The following NAP1L5 variants were observed in gnomAD, a reference collection of about 807,000 sequenced individuals.
NAP1L5 encodes the protein nucleosome assembly protein 1-like 5.
For synonymous variants in NAP1L5, 125 were observed against 103.6 expected (o/e 1.21, Z -1.25); for missense variants, 249 against 246.4 (o/e 1.01, Z -0.07).
chr4:88,697,322 C>T lies in NAP1L5; in HGVS notation c.433G>A (p.Glu145Lys), dbSNP rs1253186333. ...EGEEEEEEEYEDDEEEGEDEE... is the reference protein window; with the variant it reads ...EGEEEEEEEYKDDEEEGEDEE... ...TCTTCCCCCTCCTCCTCGTCATCCT[C>T]GTACTCCTCTTCCTCCTCCTCCTCC... The change falls in exon 1 of 1, where the codon GAG becomes AAG. Residue 145 changes from glutamate (E) to lysine (K), a missense_variant. Glu to Lys is a moderately conservative substitution (Grantham distance 56, BLOSUM62 1). Coordinates refer to ENST00000323061, the MANE Select transcript of NAP1L5 (RefSeq NM_153757.4). 4 of 1,613,582 alleles carry T rather than the reference C, an allele frequency of 2.5e-6. No homozygotes were observed. Among genetic ancestry groups the T allele is most frequent in the African/African-American group, 1.3e-5 (1 of 74,818 alleles).
Position 88,697,175 on chromosome 4 carries a change from TGGG to T in NAP1L5, c.*28_*30del. 13 of 1,466,172 alleles carry T rather than the reference TGGG, an allele frequency of 8.9e-6. No homozygotes were observed. The highest frequency in any genetic ancestry group is 1.1e-5 in the Non-Finnish European group (12 of 1,108,738). 90.8% of individuals were successfully genotyped at this position (1,466,172 alleles called of 1,614,324 possible). On this transcript the variant is annotated 3_prime_UTR_variant, in exon 1 of 1. Coordinates refer to ENST00000323061, the MANE Select transcript of NAP1L5 (RefSeq NM_153757.4). Reference sequence around the variant, plus strand: ...AAACAAAACCAGGCTTTTTTCTTCGTGGGCTTTCTCTTCATCCATCTCTGCCCC... The same window carrying T: ...AAACAAAACCAGGCTTTTTTCTTCGTCTTTCTCTTCATCCATCTCTGCCCC...
chr4:88,697,158 C>G lies in NAP1L5; in HGVS notation c.*48G>C, dbSNP rs751921542. On this transcript the variant is annotated 3_prime_UTR_variant, in exon 1 of 1. Coordinates refer to ENST00000323061, the MANE Select transcript of NAP1L5 (RefSeq NM_153757.4). ...CATCGATATTCTGGGAAAAACAAAA[C>G]CAGGCTTTTTTCTTCGTGGGCTTTC... 6.9e-7 allele frequency: 1 copy of G among 1,454,748 alleles called. No individual in the cohort carries two copies. Among genetic ancestry groups the G allele is most frequent in the Admixed American group, 2.6e-5 (1 of 37,868 alleles). 90.1% of individuals were successfully genotyped at this position (1,454,748 alleles called of 1,614,324 possible).
rs745554495 is a variant in NAP1L5 at position 88,697,352 on chromosome 4, C to T, written c.403G>A (p.Glu135Lys). 1.9e-6 allele frequency: 3 copies of T among 1,614,048 alleles called. No individual in the cohort carries two copies. Among genetic ancestry groups the T allele is most frequent in the Middle Eastern group, 3.3e-4 (2 of 6,060 alleles). Residue 135 changes from glutamate (E) to lysine (K), a missense_variant, in exon 1 of 1, where the codon GAG becomes AAG. By Grantham distance (56) the Glu-to-Lys change is moderately conservative. Transcript: ENST00000323061. ...TCCTCTTCCTCCTCCTCCTCCCCCT[C>T]CAAGGTCCATGCACACCCCTCCATC... is the stretch of plus-strand genomic sequence containing the variant. ...GEMEGCAWTLEGEEEEEEEYE... is the reference protein window; with the variant it reads ...GEMEGCAWTLKGEEEEEEEYE...
Position 88,697,664 on chromosome 4 carries a change from C to T in NAP1L5, c.91G>A (p.Gly31Ser), listed in dbSNP as rs1441192875. Residue 31 changes from glycine to serine, a missense_variant, in exon 1 of 1, where the codon GGT (glycine) becomes AGT (serine). By Grantham distance (56) the Gly-to-Ser change is moderately conservative. Coordinates refer to ENST00000323061, the MANE Select transcript of NAP1L5 (RefSeq NM_153757.4). Reference sequence around the variant, plus strand: ...CTGTCACAGTCTCCACCCTGCGCACCGCCTTCCGCCATTACCTCCTCTGCC... The same window carrying T: ...CTGTCACAGTCTCCACCCTGCGCACTGCCTTCCGCCATTACCTCCTCTGCC... Reference protein sequence around the residue: ...AAAEEVMAEGGAQGGDCDSAA... With the variant: ...AAAEEVMAEGSAQGGDCDSAA... The T allele has an allele frequency of 1.2e-6, 2 of 1,613,040 alleles. No homozygotes were observed. Among genetic ancestry groups the T allele is most frequent in the African/African-American group, 1.3e-5 (1 of 74,914 alleles).
rs1331346494 is a variant in NAP1L5 at position 88,697,326 on chromosome 4, C to T, written c.429G>A (p.Glu143=). Residue 143 remains glutamate, a synonymous_variant, in exon 1 of 1, where the codon GAG becomes GAA. Coordinates refer to ENST00000323061, the MANE Select transcript of NAP1L5 (RefSeq NM_153757.4). ...CCCCCTCCTCCTCGTCATCCTCGTA[C>T]TCCTCTTCCTCCTCCTCCTCCCCCT... The part of the protein sequence containing the change: ...TLEGEEEEEE[E]YEDDEEEGED... The T allele has an allele frequency of 6.2e-7, 1 of 1,613,620 alleles. No individual in the cohort carries two copies. The highest frequency in any genetic ancestry group is 1.3e-5 in the African/African-American group (1 of 74,832).
Position 88,697,445 on chromosome 4 carries a change from C to A in NAP1L5, c.310G>T (p.Ala104Ser). The change falls in exon 1 of 1, where the codon GCT becomes TCT. Residue 104 changes from alanine to serine, a missense_variant. Physicochemically the swap from Ala to Ser is moderately conservative, Grantham distance 99. Coordinates refer to ENST00000323061, the MANE Select transcript of NAP1L5 (RefSeq NM_153757.4). ...ATGTCATTATACTTTTTTTCCAGAG[C>A]CTGAAATTCCTTATCAAATTTGGCT... ...IEAKFDKEFQ[A>S]LEKKYNDIYK... The A allele has an allele frequency of 1.2e-6, 2 of 1,614,102 alleles. No homozygotes were observed. Among genetic ancestry groups the A allele is most frequent in the Non-Finnish European group, 1.7e-6 (2 of 1,180,032 alleles).
In NAP1L5 at chr4:88,697,665, G is replaced by C; in HGVS notation, c.90C>G (p.Gly30=). ...TGTCACAGTCTCCACCCTGCGCACC[G>C]CCTTCCGCCATTACCTCCTCTGCCG... ...EAAAEEVMAE[G]GAQGGDCDSA... is the part of the protein sequence containing the mutation. Residue 30 remains glycine (G), a synonymous_variant, in exon 1 of 1, where the codon GGC becomes GGG. Coordinates refer to ENST00000323061, the MANE Select transcript of NAP1L5 (RefSeq NM_153757.4). 1.2e-6 allele frequency: 2 copies of C among 1,612,842 alleles called. No homozygotes were observed. The highest frequency in any genetic ancestry group is 1.7e-6 in the Non-Finnish European group (2 of 1,179,956).
Position 88,697,325 on chromosome 4 carries a change from ACTC to A in NAP1L5, c.427_429del (p.Glu143del), listed in dbSNP as rs1455329093. 6.3e-7 allele frequency: 1 copy of A among 1,593,166 alleles called. No individual in the cohort carries two copies. The highest frequency in any genetic ancestry group is 8.5e-7 in the Non-Finnish European group (1 of 1,171,904). On this transcript the variant is annotated inframe_deletion, in exon 1 of 1. Transcript: ENST00000323061. ...TCCCCCTCCTCCTCGTCATCCTCGT[ACTC>A]CTCTTCCTCCTCCTCCTCCCCCTCC...
rs781737686 is a variant in NAP1L5 at position 88,697,666 on chromosome 4, C to T, written c.89G>A (p.Gly30Asp). ...EAAAEEVMAE[G>D]GAQGGDCDSA... ...GTCACAGTCTCCACCCTGCGCACCG[C>T]CTTCCGCCATTACCTCCTCTGCCGC... The change falls in exon 1 of 1, where the codon GGC becomes GAC. Residue 30 changes from glycine to aspartate, a missense_variant. Coordinates refer to ENST00000323061, the MANE Select transcript of NAP1L5 (RefSeq NM_153757.4). 2.5e-6 allele frequency: 4 copies of T among 1,613,112 alleles called. No homozygotes were observed. The highest frequency in any genetic ancestry group is 2.5e-6 in the Non-Finnish European group (3 of 1,180,008).
Position 88,697,658 on chromosome 4 carries a change from G to C in NAP1L5, c.97C>G (p.Gln33Glu), listed in dbSNP as rs568186870. 2 of 1,613,218 alleles carry C rather than the reference G, an allele frequency of 1.2e-6. No individual in the cohort carries two copies. Among genetic ancestry groups the C allele is most frequent in the Admixed American group, 1.7e-5 (1 of 60,002 alleles). ...AEEVMAEGGA[Q>E]GGDCDSAAGD... ...GCCGCGCTGTCACAGTCTCCACCCT[G>C]CGCACCGCCTTCCGCCATTACCTCC... Residue 33 changes from glutamine to glutamate, a missense_variant, in exon 1 of 1, where the codon CAG (glutamine) becomes GAG (glutamate). By Grantham distance (29) the Gln-to-Glu change is conservative. Transcript: ENST00000323061.
Position 88,697,786 on chromosome 4 carries a change from G to A in NAP1L5, c.-32C>T, listed in dbSNP as rs558018410. ...GGAGAAGCCGCAGAGGTCTAGGAGGGCTCCCGCAGAGGCCCTGCACCCGAG... is the reference window on the plus strand; with the variant it reads ...GGAGAAGCCGCAGAGGTCTAGGAGGACTCCCGCAGAGGCCCTGCACCCGAG... On this transcript the variant is annotated 5_prime_UTR_variant, in exon 1 of 1. Coordinates refer to ENST00000323061, the MANE Select transcript of NAP1L5 (RefSeq NM_153757.4). 3.2e-6 allele frequency: 5 copies of A among 1,555,016 alleles called. No individual in the cohort carries two copies. The South Asian group carries it at 6.0e-5, about 19-fold the overall frequency.
At position 88,697,064 on chromosome 4, in the gene NAP1L5, A is replaced by T; in HGVS notation, c.*142T>A. On this transcript the variant is annotated 3_prime_UTR_variant, in exon 1 of 1. Coordinates refer to ENST00000323061, the MANE Select transcript of NAP1L5 (RefSeq NM_153757.4). ...GGCCAGGATCTAATTGCTTTAATTT[A>T]ATCTATTTTAGGAATGTCAGAATAA... 1 of 753,368 alleles carries T rather than the reference A, an allele frequency of 1.3e-6. No homozygotes were observed. The highest frequency in any genetic ancestry group is 2.0e-6 in the Non-Finnish European group (1 of 491,120). The allele number at this position is 753,368 out of a possible 1,614,324, so 46.7% of individuals were successfully genotyped here.
In NAP1L5 at chr4:88,697,252, T is replaced by C; in HGVS notation, c.503A>G (p.Lys168Arg). ...EAAAEAAAGA[K>R]HDDAHAEMPD... ...CATCTCGGCGTGGGCATCGTCATGTTTGGCCCCCGCGGCAGCCTCTGCCGC... is the reference window on the plus strand; with the variant it reads ...CATCTCGGCGTGGGCATCGTCATGTCTGGCCCCCGCGGCAGCCTCTGCCGC... Residue 168 changes from lysine to arginine, a missense_variant, in exon 1 of 1, where the codon AAA (lysine) becomes AGA (arginine). Physicochemically the swap from Lys to Arg is conservative, Grantham distance 26. Transcript: ENST00000323061. 6.4e-7 allele frequency: 1 copy of C among 1,557,590 alleles called. No individual in the cohort carries two copies. The highest frequency in any genetic ancestry group is 8.7e-7 in the Non-Finnish European group (1 of 1,155,218).
Position 88,696,948 on chromosome 4 carries a change from G to T in NAP1L5, c.*258C>A. On this transcript the variant is annotated 3_prime_UTR_variant, in exon 1 of 1. Coordinates refer to ENST00000323061, the MANE Select transcript of NAP1L5 (RefSeq NM_153757.4). ...CCTCAATCCTCAGAGAAGAGACCAT[G>T]AAAACATAATTTTGGGTTTAATTCA... The T allele has an allele frequency of 2.5e-6, 1 of 406,470 alleles. No homozygotes were observed. The highest frequency in any genetic ancestry group is 4.3e-6 in the Non-Finnish European group (1 of 232,860). 25.2% of individuals were successfully genotyped at this position (406,470 alleles called of 1,614,324 possible). A position where few individuals can be genotyped will look rare whatever the true frequency, so the allele number is the denominator to read the frequency against.
Position 88,697,723 on chromosome 4 carries a change from T to C in NAP1L5, c.32A>G (p.Glu11Gly). The C allele has an allele frequency of 1.2e-6, 2 of 1,611,282 alleles. No homozygotes were observed. Among genetic ancestry groups the C allele is most frequent in the Non-Finnish European group, 1.7e-6 (2 of 1,179,196 alleles). Residue 11 changes from glutamate to glycine, a missense_variant, in exon 1 of 1, where the codon GAG (glutamate) becomes GGG (glycine). Coordinates refer to ENST00000323061, the MANE Select transcript of NAP1L5 (RefSeq NM_153757.4). MADSENQGPA[E>G]PSQAAAAAEA... is the part of the protein sequence containing the mutation. ...CGCCGCTGCCGCCGCCTGGCTAGGC[T>C]CCGCAGGCCCCTGGTTTTCCGAGTC...
In NAP1L5 at chr4:88,697,416, A is replaced by G. The variant is rs200702753; in HGVS notation, c.339T>C (p.Tyr113=). 4.8e-4 allele frequency: 771 copies of G among 1,613,998 alleles called. 5 individuals are homozygous for G. In the East Asian group the frequency reaches 0.016, roughly 34 times the overall value. ...QALEKKYNDI[Y]KPLLAKIQEL... ...CTTGGATCTTGGCGAGTAGGGGCTT[A>G]TAGATGTCATTATACTTTTTTTCCA... Residue 113 remains tyrosine (Y), a synonymous_variant, in exon 1 of 1, where the codon TAT becomes TAC. Coordinates refer to ENST00000323061, the MANE Select transcript of NAP1L5 (RefSeq NM_153757.4).
In NAP1L5 at chr4:88,697,571, C is replaced by A; in HGVS notation, c.184G>T (p.Ala62Ser). 1 of 1,614,104 alleles carries A rather than the reference C, an allele frequency of 6.2e-7. No individual in the cohort carries two copies. Among genetic ancestry groups the A allele is most frequent in the Non-Finnish European group, 8.5e-7 (1 of 1,180,002 alleles). Residue 62 changes from alanine (A) to serine (S), a missense_variant, in exon 1 of 1, where the codon GCC becomes TCC. Physicochemically the swap from Ala to Ser is moderately conservative, Grantham distance 99 (BLOSUM62 1). Coordinates refer to ENST00000323061, the MANE Select transcript of NAP1L5 (RefSeq NM_153757.4). The part of the protein sequence containing the change: ...AEEPQTPAEN[A>S]PKPKNDFIES... ...ATAAAGTCATTTTTCGGCTTTGGGGCATTCTCTGCAGGGGTCTGGGGCTCC... is the reference window on the plus strand; with the variant it reads ...ATAAAGTCATTTTTCGGCTTTGGGGAATTCTCTGCAGGGGTCTGGGGCTCC...
chr4:88,697,770 G>A lies in NAP1L5; in HGVS notation c.-16C>T, dbSNP rs775237659. 3 of 1,595,814 alleles carry A rather than the reference G, an allele frequency of 1.9e-6. No individual in the cohort carries two copies. Among genetic ancestry groups the A allele is most frequent in the African/African-American group, 1.3e-5 (1 of 74,660 alleles). ...AGTCGGCCATGTTAGAGGAGAAGCC[G>A]CAGAGGTCTAGGAGGGCTCCCGCAG... is the stretch of plus-strand genomic sequence containing the variant. On this transcript the variant is annotated 5_prime_UTR_variant, in exon 1 of 1. Transcript: ENST00000323061.
chr4:88,697,318 T>A lies in NAP1L5; in HGVS notation c.437A>T (p.Asp146Val). The change falls in exon 1 of 1, where the codon GAT (aspartate) becomes GTT (valine). Residue 146 changes from aspartate (D) to valine (V), a missense_variant. Transcript: ENST00000323061. ...GEEEEEEEYE[D>V]DEEEGEDEEE... ...CTCGTCTTCCCCCTCCTCCTCGTCA[T>A]CCTCGTACTCCTCTTCCTCCTCCTC... The A allele has an allele frequency of 1.2e-6, 2 of 1,613,312 alleles. No individual in the cohort carries two copies. The highest frequency in any genetic ancestry group is 1.7e-6 in the Non-Finnish European group (2 of 1,179,630).
Sources: gnomAD v4.1 joint callset for allele counts on GRCh38, gnomAD v4.1.1 for gene constraint, MANE v1.5 for transcripts, NCBI Gene and HGNC (gene_info 2026-07-23, HGNC 2026-07-21) for gene names.